SMCO4: variants seen among roughly 807,000 people sequenced by gnomAD.
SMCO4 encodes single-pass membrane protein with coiled-coil domains 4, also known as single-pass membrane and coiled-coil domain-containing protein 4.
Under a neutral mutation model 3.6 loss-of-function variants are expected in SMCO4, and 4 were observed. The observed-to-expected ratio is 1.11, with a 90% CI of 0.54 to 2.53. The LOEUF is 2.53. Ranked by LOEUF, SMCO4 falls within the 30% of genes most tolerant of loss-of-function variation. The pLI is 0.02. For missense variants in SMCO4, 70 were observed against 80.8 expected (o/e 0.87, Z 0.51); for synonymous variants, 36 against 35.3 (o/e 1.02, Z -0.07).
At chr11:93,486,262 A>G (rs911739681) in intron 2 of SMCO4, among the ~76,000 whole-genome samples, 14 of 152,176 alleles carry the variant, frequency 9.2e-5, no homozygotes, top group African/African-American at 3.1e-4. Context: ...TGGGATTCCA[A>G]TCAAGCTCTT....
intron 2 of SMCO4, among the ~76,000 whole-genome samples, chr11:93,482,605 A>G (rs1312764812): frequency 6.6e-6 from 1 of 152,200 alleles, no homozygotes; most frequent in African/African-American, 2.4e-5. Context: ...AGTGAGGCAA[A>G]AGAGAACGTG....
intron 2 of SMCO4, among the ~76,000 whole-genome samples, chr11:93,491,501 T>C (rs974785608): frequency 6.6e-6 from 1 of 152,208 alleles, no homozygotes; most frequent in African/African-American, 2.4e-5. Context: ...TTGGCTCTAC[T>C]GCATCACAGG....
chr11:93,526,446 T>C (rs1278407211), intron 1 of SMCO4, among the ~76,000 whole-genome samples: 2 of 152,044 alleles, frequency 1.3e-5, no homozygotes, highest in African/African-American at 4.8e-5. Flanking sequence ...TCCAAGGAAT[T>C]TGGCAGGGAC....
chr11:93,483,335 C>T (rs922381995), intron 2 of SMCO4, among the ~76,000 whole-genome samples: 2 of 152,158 alleles, frequency 1.3e-5, no homozygotes, highest in Admixed American at 6.5e-5. Context: ...GGGGCTGCAC[C>T]GGGCGGCCTC....
upstream of SMCO4, among the ~76,000 whole-genome samples, chr11:93,547,673 A>G (rs1206392108): frequency 6.6e-6 from 1 of 152,248 alleles, no homozygotes; most frequent in Non-Finnish European, 1.5e-5. Context: ...CAATCAATAA[A>G]TGAGCAAACA....
At chr11:93,493,371 G>A (rs1004615002) in intron 2 of SMCO4, among the ~76,000 whole-genome samples, 10 of 152,014 alleles carry the variant, frequency 6.6e-5, no homozygotes, top group Non-Finnish European at 1.3e-4. Context: ...CCTTCCCCAC[G>A]CTGCCCCCAC....
chr11:93,508,686 C>G (rs993607564), intron 1 of SMCO4, among the ~76,000 whole-genome samples: 1 of 152,014 alleles, frequency 6.6e-6, no homozygotes, highest in African/African-American at 2.4e-5. Context: ...CAGCAAAGAG[C>G]AATAAACTAC....
chr11:93,538,544 G>A (rs1949247254), intron 1 of SMCO4, among the ~76,000 whole-genome samples: 1 of 152,188 alleles, frequency 6.6e-6, no homozygotes, highest in Non-Finnish European at 1.5e-5. Flanking sequence ...TGATAAGGCT[G>A]GGGTGGCACA....
intron 2 of SMCO4, among the ~76,000 whole-genome samples, chr11:93,490,201 C>T (rs1327147226): frequency 6.6e-6 from 1 of 152,224 alleles, no homozygotes; most frequent in African/African-American, 2.4e-5. Flanking sequence ...TGTTATTTAA[C>T]CCTGGCCAGC....
the SMCO4 span, among the ~76,000 whole-genome samples, chr11:93,552,300 C>A: frequency 3.3e-5 from 5 of 150,830 alleles, no homozygotes; most frequent in Admixed American, 2.0e-4. Flanking sequence ...CCACCACAGC[C>A]AGCTAATTTT....
At chr11:93,531,535 A>C (rs1444860596) in intron 1 of SMCO4, among the ~76,000 whole-genome samples, 5 of 152,168 alleles carry the variant, frequency 3.3e-5, no homozygotes, top group Non-Finnish European at 7.3e-5. Flanking sequence ...AACACCTTAT[A>C]ATGAATCTCT....
chr11:93,505,684 G>A (rs1948892033), intron 1 of SMCO4, among the ~76,000 whole-genome samples: 1 of 152,114 alleles, frequency 6.6e-6, no homozygotes, highest in Non-Finnish European at 1.5e-5. Flanking sequence ...AAAGGATCTT[G>A]AAAATCCTTC....
Position 93,494,999 on chromosome 11 carries a change from T to C in SMCO4, c.-81+4277A>G, listed in dbSNP as rs566390498. Among the ~76,000 whole-genome samples, 8 of 152,176 alleles carry C rather than the reference T, an allele frequency of 5.3e-5. No homozygotes were observed. In the South Asian group the frequency reaches 1.5e-3, roughly 28 times the overall value. On this transcript the variant is annotated intron_variant, in intron 2 of 2. Transcript: ENST00000298966. ...CCACAGCAGCGACCCTCCTCAGTGT[T>C]CTCTGGCATGCCACACCCTTGCTGA...
At chr11:93,534,669 G>C (rs1485524092) in intron 1 of SMCO4, among the ~76,000 whole-genome samples, 6 of 152,128 alleles carry the variant, frequency 3.9e-5, no homozygotes, top group African/African-American at 1.4e-4. Context: ...TCTCCCAAGG[G>C]TTCCCCCTCC....
intron 2 of SMCO4, among the ~76,000 whole-genome samples, chr11:93,490,648 C>T (rs529186947): frequency 6.6e-6 from 1 of 152,304 alleles, no homozygotes; most frequent in East Asian, 1.9e-4. Context: ...ATGGTTAAAT[C>T]GCAATGGTTA....
chr11:93,538,646 T>A (rs1459083429), intron 1 of SMCO4, among the ~76,000 whole-genome samples: 1 of 152,176 alleles, frequency 6.6e-6, no homozygotes, highest in African/African-American at 2.4e-5. Flanking sequence ...CTGCAGAGAT[T>A]GCTTTTAGCC....
intron 1 of SMCO4, among the ~76,000 whole-genome samples, chr11:93,501,551 C>A (rs959932673): frequency 4.3e-4 from 66 of 152,306 alleles, no homozygotes; most frequent in African/African-American, 1.4e-3. Flanking sequence ...TCTTGGCACA[C>A]TGCCTTCTCT....
chr11:93,492,316 T>C (rs1226585587), intron 2 of SMCO4, among the ~76,000 whole-genome samples: 1 of 152,172 alleles, frequency 6.6e-6, no homozygotes, highest in Non-Finnish European at 1.5e-5. Context: ...GTTGTGAATA[T>C]ACAAACTGAT....
chr11:93,536,242 A>T (rs542135820), intron 1 of SMCO4, among the ~76,000 whole-genome samples: 9 of 152,238 alleles, frequency 5.9e-5, no homozygotes, highest in Non-Finnish European at 1.2e-4. Context: ...AACAGGAACT[A>T]GCACATCTCT....
Sources: gnomAD v4.1 joint callset for allele counts (sites outside exome capture counted in the v4.1 genomes callset) on GRCh38, gnomAD v4.1.1 for gene constraint, MANE v1.5 for transcripts, NCBI Gene and HGNC (gene_info 2026-07-23, HGNC 2026-07-21) for gene names.